Variants in PCDH9 observed in about 807,000 individuals in gnomAD.
PCDH9 encodes the protein protocadherin-9.
A neutral mutation model predicts 70.6 loss-of-function variants in PCDH9; 24 were observed. That is an observed-to-expected ratio of 0.34 (90% CI 0.25 to 0.48). PCDH9 has a LOEUF of 0.48. Among genes scored for constraint, PCDH9 ranks in the 20% least tolerant of loss-of-function variants. PCDH9 has a pLI of 0.99. For synonymous variants in PCDH9, 562 were observed against 558.5 expected, an observed-to-expected ratio of 1.01 and a Z score of -0.09; for missense variants, 1,281 against 1,503.6, an observed-to-expected ratio of 0.85 and a Z score of 2.45.
intron 4 of PCDH9, among the ~76,000 whole-genome samples, chr13:66,532,538 AT>A (rs775672924): frequency 6.6e-6 from 1 of 152,010 alleles, no homozygotes; most frequent in East Asian, 1.9e-4. Context: ...TATTTGATTA[AT>A]TTTTTTTGTT....
chr13:66,740,718 T>A (rs1380342264), intron 3 of PCDH9, among the ~76,000 whole-genome samples: 1 of 152,038 alleles, frequency 6.6e-6, no homozygotes, highest in Non-Finnish European at 1.5e-5. Flanking sequence ...AACAACTCTA[T>A]GCAAATAAAC....
At chr13:66,525,182 C>A (rs1381819452) in intron 4 of PCDH9, among the ~76,000 whole-genome samples, 1 of 152,030 alleles carries the variant, frequency 6.6e-6, no homozygotes, top group Non-Finnish European at 1.5e-5. Context: ...TACAACTTCT[C>A]CACTCTCTTT....
rs926246327 is a variant in PCDH9 at position 66,949,292 on chromosome 13, T to C, written c.3037-45687A>G. Among the ~76,000 whole-genome samples the C allele has an allele frequency of 4.6e-5, 7 of 152,124 alleles. No individual in the cohort carries two copies. In the East Asian group the frequency reaches 1.3e-3, roughly 29 times the overall value. On this transcript the variant is annotated intron_variant, in intron 2 of 4. Coordinates refer to ENST00000377865, the MANE Select transcript of PCDH9 (RefSeq NM_203487.3). ...CAGCTGAATTATTCTTTTCCAAATA[T>C]GCTAAAACAACAGATTTTCATTTTG...
chr13:67,198,184 AC>A (rs1281121653), intron 2 of PCDH9, among the ~76,000 whole-genome samples: 3 of 151,740 alleles, frequency 2.0e-5, no homozygotes, highest in Non-Finnish European at 3.0e-5. Flanking sequence ...TAGGGAACAT[AC>A]TTTGTTCTAT....
At chr13:66,812,102 CA>C (rs1287480882) in intron 3 of PCDH9, among the ~76,000 whole-genome samples, 39 of 151,868 alleles carry the variant, frequency 2.6e-4, no homozygotes, top group Admixed American at 2.6e-3. Flanking sequence ...ACCCAAAGTC[CA>C]TTGTATAATT....
At chr13:66,501,493 C>A (rs547979981) in intron 4 of PCDH9, among the ~76,000 whole-genome samples, 2 of 152,144 alleles carry the variant, frequency 1.3e-5, no homozygotes, top group East Asian at 3.9e-4. Context: ...TCATTATGAG[C>A]TTTGTTATTT....
chr13:67,051,737 A>C (rs991712934), intron 2 of PCDH9, among the ~76,000 whole-genome samples: 10 of 152,044 alleles, frequency 6.6e-5, no homozygotes, highest in African/African-American at 2.4e-4. Flanking sequence ...TCATTCTTCA[A>C]AATTTTGGCA....
intron 4 of PCDH9, among the ~76,000 whole-genome samples, chr13:66,522,587 ATATAGT>A (rs1238842981): frequency 1.2e-4 from 18 of 152,188 alleles, no homozygotes; most frequent in Admixed American, 9.2e-4. Flanking sequence ...GTCTTTGCAA[ATATAGT>A]TAAAGAGATG....
In PCDH9 at chr13:67,038,822, C is replaced by T. The variant is rs147902699; in HGVS notation, c.3037-135217G>A. On this transcript the variant is annotated intron_variant, in intron 2 of 4. Transcript: ENST00000377865. ...AGTATTGGGTCTTTGCCCTGGTTCC[C>T]GACACAGGGCTCCTACATTTCTTGG... Among the ~76,000 whole-genome samples, 11 of 152,144 alleles carry T rather than the reference C, an allele frequency of 7.2e-5. No individual in the cohort carries two copies. In the South Asian group the frequency reaches 1.5e-3, roughly 20 times the overall value.
intron 2 of PCDH9, among the ~76,000 whole-genome samples, chr13:67,146,905 T>C (rs938137335): frequency 1.3e-5 from 2 of 152,208 alleles, no homozygotes; most frequent in African/African-American, 4.8e-5. Flanking sequence ...TCTTTTCTGA[T>C]AGGAAGTGAG....
At chr13:66,778,579 C>G (rs766415368) in intron 3 of PCDH9, among the ~76,000 whole-genome samples, 3 of 152,084 alleles carry the variant, frequency 2.0e-5, no homozygotes, top group African/African-American at 7.2e-5. Flanking sequence ...GAAGTAATTG[C>G]GAAAGTTTGA....
At chr13:66,505,831 A>T (rs1022962059) in intron 4 of PCDH9, among the ~76,000 whole-genome samples, 5 of 152,120 alleles carry the variant, frequency 3.3e-5, no homozygotes, top group African/African-American at 7.2e-5. Context: ...GCCAAGCCAT[A>T]TCACAAGGTA....
chr13:67,078,958 A>G (rs1416564057), intron 2 of PCDH9, among the ~76,000 whole-genome samples: 3 of 152,176 alleles, frequency 2.0e-5, no homozygotes, highest in Non-Finnish European at 4.4e-5. Flanking sequence ...ATCAGAAACT[A>G]AGAAAATGGC....
intron 3 of PCDH9, among the ~76,000 whole-genome samples, chr13:66,883,202 C>G (rs1242732622): frequency 6.6e-6 from 1 of 152,110 alleles, no homozygotes; most frequent in Non-Finnish European, 1.5e-5. Context: ...CAAATGCTAC[C>G]TACGAATGTT....
intron 4 of PCDH9, among the ~76,000 whole-genome samples, chr13:66,535,087 CAA>C (rs1960639301): frequency 6.6e-6 from 1 of 151,600 alleles, no homozygotes. Context: ...GAATAGAAAT[CAA>C]GTCAGTGAAC....
intron 4 of PCDH9, among the ~76,000 whole-genome samples, chr13:66,312,824 C>A (rs1001515731): frequency 2.0e-5 from 3 of 152,130 alleles, no homozygotes; most frequent in African/African-American, 7.2e-5. Context: ...CTCTGGTGAA[C>A]AAGTAAACAA....
chr13:67,111,131 C>T (rs991507785), intron 2 of PCDH9, among the ~76,000 whole-genome samples: 1 of 152,074 alleles, frequency 6.6e-6, no homozygotes, highest in Non-Finnish European at 1.5e-5. Context: ...TTAACCAAAA[C>T]GAGTTAAGAT....
intron 4 of PCDH9, among the ~76,000 whole-genome samples, chr13:66,592,359 T>C (rs2077049373): frequency 6.6e-6 from 1 of 151,652 alleles, no homozygotes; most frequent in South Asian, 2.1e-4. Flanking sequence ...GGGTCTAAAA[T>C]ATTCTATTTC....
At chr13:66,816,884 T>G (rs1283561382) in intron 3 of PCDH9, among the ~76,000 whole-genome samples, 1 of 151,628 alleles carries the variant, frequency 6.6e-6, no homozygotes, top group Non-Finnish European at 1.5e-5. Flanking sequence ...GGTGGTGTGT[T>G]GATGGTATTG....
Sources: gnomAD v4.1 joint callset for allele counts (sites outside exome capture counted in the v4.1 genomes callset) on GRCh38, gnomAD v4.1.1 for gene constraint, MANE v1.5 for transcripts, NCBI Gene and HGNC (gene_info 2026-07-23, HGNC 2026-07-21) for gene names.